Variants in ARHGAP21 observed in about 807,000 individuals in gnomAD.
ARHGAP21 encodes the protein Rho GTPase activating protein 21.
ARHGAP21 carries 38 observed loss-of-function variants against 164.6 expected under a neutral mutation model. That is an observed-to-expected ratio of 0.23 (90% CI 0.18 to 0.30). The LOEUF (loss-of-function observed/expected upper bound fraction) is 0.30. ARHGAP21 is among the 10% of genes least tolerant of loss of function. The probability of loss-of-function intolerance (pLI) is 1.00; values close to 1 mark genes in which losing one functional copy is unlikely to be tolerated. For missense variants in ARHGAP21, 1,822 were observed against 2,370.7 expected (o/e 0.77, Z 4.81); for synonymous variants, 766 against 857.9 (o/e 0.89, Z 1.87).
intron 3 of ARHGAP21, among the ~76,000 whole-genome samples, chr10:24,668,365 T>C (rs1840390743): frequency 6.6e-6 from 1 of 152,224 alleles, no homozygotes; most frequent in Non-Finnish European, 1.5e-5. Flanking sequence ...GTCCTATGGT[T>C]CCTTCCCACA....
At chr10:24,588,614 C>T (rs1262164901) in intron 25 of ARHGAP21, among the ~76,000 whole-genome samples, 1 of 152,178 alleles carries the variant, frequency 6.6e-6, no homozygotes, top group Non-Finnish European at 1.5e-5. Context: ...AGAAGTCTGA[C>T]AATTCCAGTT....
At chr10:24,667,753 A>G (rs374405555) in intron 3 of ARHGAP21, among the ~76,000 whole-genome samples, 71 of 151,734 alleles carry the variant, frequency 4.7e-4, no homozygotes, top group African/African-American at 1.4e-3. Flanking sequence ...TGGCTGCCCA[A>G]TGTTTTTTTT....
chr10:24,718,961 A>T (rs1005969532), intron 2 of ARHGAP21, among the ~76,000 whole-genome samples: 4 of 152,150 alleles, frequency 2.6e-5, no homozygotes, highest in African/African-American at 9.7e-5. Context: ...TTAAAAAAAA[A>T]GTTAAACCTT....
At chr10:24,599,003 T>C (rs2367063) in intron 14 of ARHGAP21, among the ~76,000 whole-genome samples, 30,179 of 152,208 alleles carry the variant, frequency 0.2, 3,273 homozygotes, top group Middle Eastern at 0.39. Context: ...TAAAATAGTA[T>C]CTGCCATATG....
chr10:24,623,897 C>T (rs1379463955), intron 7 of ARHGAP21, among the ~76,000 whole-genome samples: 1 of 152,114 alleles, frequency 6.6e-6, no homozygotes, highest in Non-Finnish European at 1.5e-5. Context: ...TATTCTAGAA[C>T]TAATATTTTA....
Position 24,620,192 on chromosome 10 carries a change from T to A in ARHGAP21, c.1703A>T (p.Asp568Val). ...TCCTCTACCACTCATTCGCCTGTTA[T>A]CAGAATTAACAACGCTTGGAGCCAC... ...FTVAPSVVNS[D>V]NRRMSGRGVG... The change falls in exon 9 of 26, where the codon GAT (aspartate) becomes GTT (valine). Residue 568 changes from aspartate to valine, a missense_variant. This residue lies in a region of ARHGAP21 where 1,090 missense variants were observed against 1,378.9 expected (regional missense o/e 0.79). Coordinates refer to ENST00000396432, the MANE Select transcript of ARHGAP21 (RefSeq NM_020824.4). The A allele has an allele frequency of 1.2e-6, 2 of 1,614,004 alleles. No homozygotes were observed. The highest frequency in any genetic ancestry group is 1.7e-6 in the Non-Finnish European group (2 of 1,179,882).
At position 24,722,128 on chromosome 10, in the gene ARHGAP21, T is replaced by C; in HGVS notation, c.-229A>G. 6.9e-6 allele frequency: 4 copies of C among 577,004 alleles called. No individual in the cohort carries two copies. In the South Asian group the frequency reaches 8.0e-5, roughly 12 times the overall value. The allele number at this position is 577,004 out of a possible 1,614,324, so 35.7% of individuals were successfully genotyped here. A position where few individuals can be genotyped will look rare whatever the true frequency, so the allele number is the denominator to read the frequency against. ...TGACTTCGCCTTCTTCTTCCATTTCTGGAGACTTAAAAACAAAGGCGACAG... is the reference window on the plus strand; with the variant it reads ...TGACTTCGCCTTCTTCTTCCATTTCCGGAGACTTAAAAACAAAGGCGACAG... On this transcript the variant is annotated 5_prime_UTR_variant, in exon 2 of 26. Transcript: ENST00000396432.
chr10:24,592,504 TAAAATC>T (rs1203646586), intron 21 of ARHGAP21, among the ~76,000 whole-genome samples: 1 of 151,984 alleles, frequency 6.6e-6, no homozygotes, highest in African/African-American at 2.4e-5. Context: ...ATAAAAATGT[TAAAATC>T]AAAGGAAAAA....
intron 17 of ARHGAP21, chr10:24,596,261 C>A: frequency 2.2e-6 from 1 of 458,474 alleles, no homozygotes; most frequent in South Asian, 5.0e-5. Context: ...GAGAGGGACC[C>A]CCAGAGAGAT....
intron 9 of ARHGAP21, among the ~76,000 whole-genome samples, chr10:24,617,311 C>T (rs766299156): frequency 6.6e-6 from 1 of 152,020 alleles, no homozygotes; most frequent in Non-Finnish European, 1.5e-5. Context: ...CCAATGTAAT[C>T]TGATTATATT....
chr10:24,628,141 T>C (rs1230844077), intron 7 of ARHGAP21, among the ~76,000 whole-genome samples: 1 of 152,248 alleles, frequency 6.6e-6, no homozygotes, highest in East Asian at 1.9e-4. Context: ...CATTGGTGTC[T>C]GTGGTTATGT....
intron 4 of ARHGAP21, among the ~76,000 whole-genome samples, chr10:24,666,091 G>GCGATCT (rs1343172574): frequency 8.2e-4 from 125 of 152,316 alleles, no homozygotes; most frequent in African/African-American, 3.0e-3. Context: ...GTGCAGTGGA[G>GCGATCT]CGATCTCGGC....
Position 24,595,892 on chromosome 10 carries a change from T to A in ARHGAP21, c.3629A>T (p.Asp1210Val). 6.2e-7 allele frequency: 1 copy of A among 1,612,120 alleles called. No homozygotes were observed. Among genetic ancestry groups the A allele is most frequent in the Non-Finnish European group, 8.5e-7 (1 of 1,179,432 alleles). Reference protein sequence around the residue: ...NKGMADIDIQDDKWRDLNVIS... With the variant: ...NKGMADIDIQVDKWRDLNVIS... The stretch of plus-strand genomic sequence containing the variant: ...TATTCAAATAAGCAAACTTACATCA[T>A]CTTGTATATCAATATCAGCCATTCC... Residue 1210 changes from aspartate (D) to valine (V), a missense_variant, in exon 18 of 26, where the codon GAT (aspartate) becomes GTT (valine). By Grantham distance (152) the Asp-to-Val change is radical. Transcript: ENST00000396432.
chr10:24,587,382 A>T (rs2076149473), intron 25 of ARHGAP21, among the ~76,000 whole-genome samples: 1 of 152,120 alleles, frequency 6.6e-6, no homozygotes, highest in Admixed American at 6.5e-5. Context: ...AGGTATGCTG[A>T]GTAATAGAAA....
intron 9 of ARHGAP21, among the ~76,000 whole-genome samples, chr10:24,615,279 G>A (rs776962142): frequency 5.9e-5 from 9 of 152,122 alleles, no homozygotes; most frequent in Non-Finnish European, 1.0e-4. Flanking sequence ...TTTTGTTAAC[G>A]AACTCGACAC....
At position 24,667,096 on chromosome 10, in the gene ARHGAP21, G is replaced by A. The variant is rs563217251; in HGVS notation, c.244-87C>T. 324 of 680,400 alleles carry A rather than the reference G, an allele frequency of 4.8e-4. 3 individuals are homozygous for A. The highest frequency in any genetic ancestry group is 1.0e-3 in the Admixed American group (28 of 27,450). The allele number at this position is 680,400 out of a possible 1,614,324, so 42.1% of individuals were successfully genotyped here. On this transcript the variant is annotated intron_variant, in intron 3 of 25. Coordinates refer to ENST00000396432, the MANE Select transcript of ARHGAP21 (RefSeq NM_020824.4). ...AGCAAGGCTCAATTTAATTCAAATC[G>A]ACCTCCCCAGATTGTGCCAATTACA...
intron 24 of ARHGAP21, chr10:24,589,728 A>C (rs943845311): frequency 3.0e-5 from 5 of 164,246 alleles, no homozygotes; most frequent in African/African-American, 1.2e-4. Context: ...CAATTGAGAC[A>C]CTCATACTGG....
chr10:24,651,716 G>A (rs1388741751), intron 4 of ARHGAP21, among the ~76,000 whole-genome samples: 5 of 152,260 alleles, frequency 3.3e-5, no homozygotes, highest in Admixed American at 2.0e-4. Flanking sequence ...AGTGATTAAG[G>A]AAGAAAAATC....
At chr10:24,593,477 TTA>T (rs1264977191) in intron 21 of ARHGAP21, among the ~76,000 whole-genome samples, 1 of 152,172 alleles carries the variant, frequency 6.6e-6, no homozygotes, top group Non-Finnish European at 1.5e-5. Flanking sequence ...ACATTAATAT[TTA>T]TATGTATACA....
Sources: allele counts gnomAD v4.1 joint callset (sites outside exome capture counted in the v4.1 genomes callset), GRCh38; gene constraint gnomAD v4.1.1; regional missense constraint gnomAD v4.1.1; transcripts MANE v1.5; gene names NCBI Gene and HGNC (gene_info 2026-07-23, HGNC 2026-07-21).